SOCS5: variants seen among roughly 807,000 people sequenced by gnomAD.
SOCS5 encodes the protein CIS-6.
SOCS5 carries 32 observed loss-of-function variants against 42.8 expected under a neutral mutation model. The ratio of observed to expected loss-of-function variants is 0.75; its 90% CI spans 0.56 to 1.01. SOCS5 has a LOEUF of 1.01. Among genes scored for constraint, SOCS5 ranks in the 50% least tolerant of loss-of-function variants. The pLI, the probability that SOCS5 is intolerant of heterozygous loss-of-function variation, is 0.00. For synonymous variants in SOCS5, 283 were observed against 229.6 expected, an observed-to-expected ratio of 1.23 and a Z score of -2.10; for missense variants, 627 against 653.0, an observed-to-expected ratio of 0.96 and a Z score of 0.43.
chr2:46,758,568 A>G lies in SOCS5; in HGVS notation c.38A>G (p.Tyr13Cys), dbSNP rs1317640281. ...KVGKMWNNFK[Y>C]RCQNLFGHEG... Reference sequence around the variant, plus strand: ...GGAAAAATGTGGAATAACTTCAAATACAGGTGTCAGAATCTCTTCGGTCAT... The same window carrying G: ...GGAAAAATGTGGAATAACTTCAAATGCAGGTGTCAGAATCTCTTCGGTCAT... Residue 13 changes from tyrosine to cysteine, a missense_variant, in exon 2 of 2, where the codon TAC (tyrosine) becomes TGC (cysteine). Around this residue, in one of 3 missense-constraint regions of SOCS5, gnomAD observed 278 missense variants for 246.3 expected, o/e 1.13. Coordinates refer to ENST00000394861, the MANE Select transcript of SOCS5 (RefSeq NM_144949.3). The G allele has an allele frequency of 1.2e-6, 2 of 1,605,990 alleles. No individual in the cohort carries two copies. Among genetic ancestry groups the G allele is most frequent in the East Asian group, 4.5e-5 (2 of 44,846 alleles).
chr2:46,760,507 A>G lies in SOCS5; in HGVS notation c.*366A>G, dbSNP rs41318648. 3.6e-4 allele frequency: 65 copies of G among 182,264 alleles called. 1 individual carries two copies. The highest frequency in any genetic ancestry group is 1.5e-3 in the African/African-American group (64 of 41,966). 11.3% of individuals were successfully genotyped at this position (182,264 alleles called of 1,614,324 possible). Reference sequence around the variant, plus strand: ...GGATGAGTATTTCAACAGTGTGACTAATGTTTGAAATTATTTTTTCTAAGA... The same window carrying G: ...GGATGAGTATTTCAACAGTGTGACTGATGTTTGAAATTATTTTTTCTAAGA... On this transcript the variant is annotated 3_prime_UTR_variant, in exon 2 of 2. Transcript: ENST00000394861.
chr2:46,709,758 A>C (rs1460448653), intron 1 of SOCS5, among the ~76,000 whole-genome samples: 2 of 152,202 alleles, frequency 1.3e-5, no homozygotes, highest in African/African-American at 4.8e-5. Flanking sequence ...ATTGAACATG[A>C]ACAGAGGATA....
At chr2:46,708,641 C>T (rs1180114032) in intron 1 of SOCS5, among the ~76,000 whole-genome samples, 1 of 152,082 alleles carries the variant, frequency 6.6e-6, no homozygotes, top group African/African-American at 2.4e-5. Context: ...AACTCTGTTA[C>T]AAAAAATGTA....
chr2:46,710,515 A>T (rs1459237408), intron 1 of SOCS5, among the ~76,000 whole-genome samples: 1 of 152,196 alleles, frequency 6.6e-6, no homozygotes, highest in Non-Finnish European at 1.5e-5. Flanking sequence ...AAGTGTATGT[A>T]CAGTTGCATA....
chr2:46,745,974 T>A (rs1673486388), intron 1 of SOCS5, among the ~76,000 whole-genome samples: 2 of 152,178 alleles, frequency 1.3e-5, no homozygotes, highest in South Asian at 4.1e-4. Context: ...ATAATACCGT[T>A]AACTGTTGTT....
chr2:46,737,779 T>G (rs1051017716), intron 1 of SOCS5, among the ~76,000 whole-genome samples: 6 of 152,060 alleles, frequency 3.9e-5, no homozygotes, highest in African/African-American at 1.4e-4. Flanking sequence ...GTTGTTGATA[T>G]AATCAGTTAC....
At chr2:46,702,068 A>T (rs183875943) in intron 1 of SOCS5, among the ~76,000 whole-genome samples, 1 of 151,970 alleles carries the variant, frequency 6.6e-6, no homozygotes, top group South Asian at 2.1e-4. Context: ...ACCACTGTGT[A>T]CCTGAGTTTA....
At chr2:46,739,943 A>G (rs538051564) in intron 1 of SOCS5, among the ~76,000 whole-genome samples, 5 of 152,254 alleles carry the variant, frequency 3.3e-5, no homozygotes, top group African/African-American at 9.6e-5. Flanking sequence ...AATAATGCCC[A>G]GGAGGATCTC....
intron 1 of SOCS5, among the ~76,000 whole-genome samples, chr2:46,756,045 G>T (rs1352002052): frequency 6.6e-6 from 1 of 152,090 alleles, no homozygotes; most frequent in Non-Finnish European, 1.5e-5. Context: ...TGAACCAGGG[G>T]GTTCAGTGTT....
At chr2:46,714,074 A>G (rs191541612) in intron 1 of SOCS5, among the ~76,000 whole-genome samples, 1 of 152,304 alleles carries the variant, frequency 6.6e-6, no homozygotes, top group Admixed American at 6.5e-5. Flanking sequence ...AACATATGGT[A>G]TGTCTTGGTG....
chr2:46,750,649 C>A (rs1456340648), intron 1 of SOCS5, among the ~76,000 whole-genome samples: 1 of 152,122 alleles, frequency 6.6e-6, no homozygotes, highest in Non-Finnish European at 1.5e-5. Flanking sequence ...TACAATAATA[C>A]CAGAACATTT....
At chr2:46,701,873 A>C (rs1236395496) in intron 1 of SOCS5, among the ~76,000 whole-genome samples, 1 of 143,856 alleles carries the variant, frequency 7.0e-6, no homozygotes, top group Non-Finnish European at 1.5e-5. Flanking sequence ...ATATTTTGAA[A>C]GTAAATTATG....
intron 1 of SOCS5, among the ~76,000 whole-genome samples, chr2:46,753,964 C>T (rs1405847919): frequency 6.6e-6 from 1 of 152,166 alleles, no homozygotes. Flanking sequence ...TGGGTTTTAA[C>T]TGGCTTCTTT....
rs1468805792 is a variant in SOCS5 at position 46,759,660 on chromosome 2, C to T, written c.1130C>T (p.Thr377Ile). 2.5e-6 allele frequency: 4 copies of T among 1,614,118 alleles called. No individual in the cohort carries two copies. Among genetic ancestry groups the T allele is most frequent in the Middle Eastern group, 1.7e-4 (1 of 6,056 alleles). The change falls in exon 2 of 2, where the codon ACA becomes ATA. Residue 377 changes from threonine to isoleucine, a missense_variant. Around this residue, in one of 3 missense-constraint regions of SOCS5, gnomAD observed 340 missense variants for 367.6 expected, o/e 0.92. Coordinates refer to ENST00000394861, the MANE Select transcript of SOCS5 (RefSeq NM_144949.3). ...CTCGTGCCTGATTTGCTTCAAATTA[C>T]AGGGAATCCCTGTTACTGGGGAGTG... ...HCLVPDLLQI[T>I]GNPCYWGVMD...
At chr2:46,727,009 G>A (rs1673009141) in intron 1 of SOCS5, among the ~76,000 whole-genome samples, 1 of 151,934 alleles carries the variant, frequency 6.6e-6, no homozygotes, top group Non-Finnish European at 1.5e-5. Context: ...GCCCACCTCA[G>A]CCTCCCAAAG....
intron 1 of SOCS5, among the ~76,000 whole-genome samples, chr2:46,754,549 G>T (rs967939271): frequency 6.6e-6 from 1 of 152,016 alleles, no homozygotes; most frequent in East Asian, 1.9e-4. Flanking sequence ...GTAACTCACT[G>T]CTGGGAACTG....
intron 1 of SOCS5, among the ~76,000 whole-genome samples, chr2:46,736,513 A>G (rs943403597): frequency 6.6e-6 from 1 of 152,140 alleles, no homozygotes; most frequent in Non-Finnish European, 1.5e-5. Flanking sequence ...GGAAACTACC[A>G]TTCTACTGTC....
chr2:46,721,988 A>G (rs1672894799), intron 1 of SOCS5, among the ~76,000 whole-genome samples: 1 of 151,992 alleles, frequency 6.6e-6, no homozygotes, highest in Non-Finnish European at 1.5e-5. Flanking sequence ...TTAATAATGG[A>G]CAGTATTGTC....
In SOCS5 at chr2:46,758,944, T is replaced by C; in HGVS notation, c.414T>C (p.Ala138=). 1 of 1,613,984 alleles carries C rather than the reference T, an allele frequency of 6.2e-7. No homozygotes were observed. Residue 138 remains alanine (A), a synonymous_variant, in exon 2 of 2, where the codon GCT becomes GCC. Coordinates refer to ENST00000394861, the MANE Select transcript of SOCS5 (RefSeq NM_144949.3). ...CSTKTQSSLD[A]DKKFGRTRSG... ...CAAAGACCCAGAGTTCATTGGATGC[T>C]GATAAAAAGTTTGGTAGAACTCGAA...
Sources: allele counts gnomAD v4.1 joint callset (sites outside exome capture counted in the v4.1 genomes callset), GRCh38; gene constraint gnomAD v4.1.1; regional missense constraint gnomAD v4.1.1; transcripts MANE v1.5; gene names NCBI Gene and HGNC (gene_info 2026-07-23, HGNC 2026-07-21).